Variants in SH2D4B observed in about 807,000 individuals in gnomAD.
The protein encoded by SH2D4B is SH2 domain containing 4B.
In SH2D4B, 45 loss-of-function variants were observed where a neutral mutation model predicts 61.5. The ratio of observed to expected loss-of-function variants is 0.73; its 90% CI spans 0.58 to 0.94. The LOEUF (loss-of-function observed/expected upper bound fraction) is 0.94. SH2D4B is among the 40% of genes least tolerant of loss of function. SH2D4B has a pLI of 0.00. For missense variants in SH2D4B, 572 were observed against 574.2 expected (o/e 1.00, Z 0.04); for synonymous variants, 224 against 220.4 (o/e 1.02, Z -0.14).
intron 4 of SH2D4B, among the ~76,000 whole-genome samples, chr10:80,592,190 C>T (rs1286869004): frequency 6.6e-6 from 1 of 152,078 alleles, no homozygotes; most frequent in African/African-American, 2.4e-5. Context: ...TATATATCAT[C>T]TTTGGAGAAA....
chr10:80,546,219 G>GT (rs60489150), intron 1 of SH2D4B, among the ~76,000 whole-genome samples: 28 of 150,426 alleles, frequency 1.9e-4, no homozygotes, highest in African/African-American at 2.2e-4. Context: ...TAATTTTTGT[G>GT]TTTTTTTTTG....
chr10:80,563,068 A>AT (rs1841923416), intron 1 of SH2D4B, among the ~76,000 whole-genome samples: 2 of 150,962 alleles, frequency 1.3e-5, no homozygotes, highest in South Asian at 2.1e-4. Flanking sequence ...CGCCCGGCTA[A>AT]TTTTTTGTAT....
rs546246862 is a variant in SH2D4B at position 80,575,647 on chromosome 10, C to T, written c.495+4069C>T. Among the ~76,000 whole-genome samples the T allele has an allele frequency of 7.4e-4, 113 of 152,150 alleles. 1 individual carries two copies. Among genetic ancestry groups the T allele is most frequent in the East Asian group, 1.4e-3 (7 of 5,164 alleles). On this transcript the variant is annotated intron_variant, in intron 3 of 7. Coordinates refer to ENST00000646907, the MANE Select transcript of SH2D4B (RefSeq NM_001388272.1). ...TACTAAAAAATACAAAAATTAGCCA[C>T]GCCTGTAATCCCAGCTACTCAGGAG...
intron 1 of SH2D4B, among the ~76,000 whole-genome samples, chr10:80,548,456 G>A (rs745879622): frequency 6.6e-5 from 10 of 152,100 alleles, no homozygotes; most frequent in Non-Finnish European, 7.4e-5. Context: ...GAGCCACCGC[G>A]TCCAGCCTCA....
At chr10:80,627,060 T>C (rs955371638) in intron 6 of SH2D4B, among the ~76,000 whole-genome samples, 3 of 152,204 alleles carry the variant, frequency 2.0e-5, no homozygotes, top group Non-Finnish European at 4.4e-5. Context: ...TAATGCTGGC[T>C]GTGACATAAG....
At chr10:80,623,545 A>G (rs750511880) in intron 6 of SH2D4B, among the ~76,000 whole-genome samples, 8 of 152,300 alleles carry the variant, frequency 5.3e-5, no homozygotes, top group Non-Finnish European at 1.0e-4. Context: ...GCTCGTGGGG[A>G]TATCTCATGA....
chr10:80,586,109 C>T (rs1842243512), intron 3 of SH2D4B, among the ~76,000 whole-genome samples: 1 of 152,208 alleles, frequency 6.6e-6, no homozygotes, highest in African/African-American at 2.4e-5. Flanking sequence ...AGCTGCCTCC[C>T]CGTGGGGCAG....
Position 80,609,415 on chromosome 10 carries a change from T to C in SH2D4B, c.861-9T>C. 6.2e-7 allele frequency: 1 copy of C among 1,611,580 alleles called. No homozygotes were observed. The highest frequency in any genetic ancestry group is 8.5e-7 in the Non-Finnish European group (1 of 1,178,316). On this transcript the variant is annotated splice_polypyrimidine_tract_variant and intron_variant, in intron 5 of 7. Coordinates refer to ENST00000646907, the MANE Select transcript of SH2D4B (RefSeq NM_001388272.1). Reference sequence around the variant, plus strand: ...ACTCTTCTGCCCTCCCCACTTTCTTTCTCTTCAGCAGGACCTGGGAGCGCC... The same window carrying C: ...ACTCTTCTGCCCTCCCCACTTTCTTCCTCTTCAGCAGGACCTGGGAGCGCC...
At chr10:80,639,119 G>C (rs548292781) in intron 7 of SH2D4B, among the ~76,000 whole-genome samples, 2 of 152,312 alleles carry the variant, frequency 1.3e-5, no homozygotes, top group South Asian at 4.1e-4. Flanking sequence ...TTAGTCTTGA[G>C]TTCTAATTTG....
At chr10:80,553,522 T>G (rs1437407232) in intron 1 of SH2D4B, among the ~76,000 whole-genome samples, 1 of 152,176 alleles carries the variant, frequency 6.6e-6, no homozygotes, top group Non-Finnish European at 1.5e-5. Context: ...GATTTCCCAA[T>G]GACAGTTACA....
intron 4 of SH2D4B, among the ~76,000 whole-genome samples, chr10:80,600,448 T>C (rs1408841919): frequency 2.0e-5 from 3 of 151,860 alleles, no homozygotes; most frequent in African/African-American, 7.2e-5. Context: ...TTGGTCTGAG[T>C]TGGTGAACAC....
chr10:80,615,625 C>T (rs1462752359), intron 6 of SH2D4B, among the ~76,000 whole-genome samples: 1 of 152,216 alleles, frequency 6.6e-6, no homozygotes, highest in African/African-American at 2.4e-5. Flanking sequence ...TGGGATTACT[C>T]CCAGGAACTA....
At chr10:80,572,381 G>A (rs1174393192) in intron 3 of SH2D4B, among the ~76,000 whole-genome samples, 2 of 152,244 alleles carry the variant, frequency 1.3e-5, no homozygotes, top group South Asian at 2.1e-4. Flanking sequence ...AGGTTTTTCC[G>A]GTAACGTTGA....
At chr10:80,602,269 C>A (rs1842458864) in intron 4 of SH2D4B, among the ~76,000 whole-genome samples, 1 of 152,092 alleles carries the variant, frequency 6.6e-6, no homozygotes, top group Admixed American at 6.6e-5. Flanking sequence ...CAAGACCAGG[C>A]TGCACAACAT....
chr10:80,563,559 T>C (rs754353607), intron 1 of SH2D4B, among the ~76,000 whole-genome samples: 13 of 152,226 alleles, frequency 8.5e-5, no homozygotes, highest in Non-Finnish European at 1.6e-4. Flanking sequence ...TTCAATTACA[T>C]ATTTGTTTTA....
intron 3 of SH2D4B, among the ~76,000 whole-genome samples, chr10:80,571,871 C>T (rs1842051044): frequency 6.7e-6 from 1 of 149,922 alleles, no homozygotes. Flanking sequence ...CTCCCGGGTT[C>T]ACGCCATTCT....
chr10:80,561,826 A>G (rs1841905450), intron 1 of SH2D4B, among the ~76,000 whole-genome samples: 1 of 152,192 alleles, frequency 6.6e-6, no homozygotes, highest in South Asian at 2.1e-4. Flanking sequence ...AGATTATCTG[A>G]AAAAAATGAT....
At chr10:80,559,183 G>C (rs1308708487) in intron 1 of SH2D4B, among the ~76,000 whole-genome samples, 2 of 151,856 alleles carry the variant, frequency 1.3e-5, no homozygotes, top group Non-Finnish European at 2.9e-5. Flanking sequence ...CTTAGCTTTT[G>C]TCTTCATTTG....
At chr10:80,554,802 G>A (rs531242835) in intron 1 of SH2D4B, among the ~76,000 whole-genome samples, 24 of 152,208 alleles carry the variant, frequency 1.6e-4, no homozygotes, top group African/African-American at 5.5e-4. Context: ...AAGGTCAGGA[G>A]ATCAAGACTA....
Sources: allele counts gnomAD v4.1 joint callset (sites outside exome capture counted in the v4.1 genomes callset), GRCh38; gene constraint gnomAD v4.1.1; transcripts MANE v1.5; gene names NCBI Gene and HGNC (gene_info 2026-07-23, HGNC 2026-07-21).